The following DNAH3 variants were observed in gnomAD, a reference collection of about 807,000 sequenced individuals.
DNAH3 encodes axonemal beta dynein heavy chain 3.
In DNAH3, 332 loss-of-function variants were observed where a neutral mutation model predicts 432.5. The ratio of observed to expected loss-of-function variants is 0.77; its 90% CI spans 0.70 to 0.84. The LOEUF (loss-of-function observed/expected upper bound fraction) is 0.84. Ranked by LOEUF, DNAH3 falls within the 40% of genes least tolerant of loss-of-function variation. The probability of loss-of-function intolerance (pLI) is 0.00; values close to 1 mark genes in which losing one functional copy is unlikely to be tolerated. For synonymous variants in DNAH3, 1,956 were observed against 1,900.2 expected, an observed-to-expected ratio of 1.03 and a Z score of -0.76; for missense variants, 4,861 against 5,114.0, an observed-to-expected ratio of 0.95 and a Z score of 1.51.
At position 20,941,387 on chromosome 16, in the gene DNAH3, A is replaced by G; in HGVS notation, c.11654+14T>C. On this transcript the variant is annotated intron_variant, in intron 59 of 61. Coordinates refer to ENST00000261383, the Ensembl canonical transcript of DNAH3. ...TTCCAACTCCCAGGATTCAAGCTAC[A>G]TCATCTGGCCCACCTGTTGAATCTG... 6.2e-7 allele frequency: 1 copy of G among 1,613,660 alleles called. No individual in the cohort carries two copies. Among genetic ancestry groups the G allele is most frequent in the Non-Finnish European group, 8.5e-7 (1 of 1,179,790 alleles).
rs141209624 is a variant in DNAH3, at chr16:21,028,864, G to A, written c.5440-1737C>T. Among the ~76,000 whole-genome samples the A allele has an allele frequency of 1.5e-3, 221 of 152,188 alleles. No homozygotes were observed. In the Middle Eastern group the frequency reaches 0.02, roughly 14 times the overall value. On this transcript the variant is annotated intron_variant, in intron 37 of 61. Coordinates refer to ENST00000261383, the Ensembl canonical transcript of DNAH3. ...TCTCCCAGGGGAGAAGAGGAAATAC[G>A]ACTGATTCATTCTGCTCATCCTAAT... is the stretch of plus-strand genomic sequence containing the variant.
At chr16:21,017,849 T>TA (rs1392308438) in intron 41 of DNAH3, among the ~76,000 whole-genome samples, 1 of 152,166 alleles carries the variant, frequency 6.6e-6, no homozygotes, top group East Asian at 1.9e-4. Flanking sequence ...TGAAACATAA[T>TA]AATGTTTCAT....
intron 58 of DNAH3, among the ~76,000 whole-genome samples, chr16:20,943,405 G>A (rs180953643): frequency 2.6e-5 from 4 of 151,928 alleles, no homozygotes; most frequent in Non-Finnish European, 5.9e-5. Flanking sequence ...AAATTTTTTT[G>A]TAGTGATGCG....
intron 22 of DNAH3, among the ~76,000 whole-genome samples, chr16:21,069,810 G>A (rs1009204596): frequency 2.6e-5 from 4 of 152,142 alleles, no homozygotes; most frequent in African/African-American, 4.8e-5. Flanking sequence ...TGCCCTTTAC[G>A]GAGCTCACGT....
At chr16:20,933,673 T>A (rs564973822) in intron 61 of DNAH3, among the ~76,000 whole-genome samples, 166 bp from the exon 62 acceptor site, 9 of 152,356 alleles carry the variant, frequency 5.9e-5, no homozygotes, top group African/African-American at 1.9e-4. Context: ...CTGCCCACCA[T>A]ACATGGGCCA....
chr16:21,095,448 T>G (rs948697477), intron 18 of DNAH3, among the ~76,000 whole-genome samples: 1 of 152,142 alleles, frequency 6.6e-6, no homozygotes, highest in Admixed American at 6.5e-5. Flanking sequence ...TCTTGAAAGA[T>G]TGCATACTGT....
chr16:20,974,570 T>C (rs995536258), intron 51 of DNAH3, among the ~76,000 whole-genome samples: 2 of 137,264 alleles, frequency 1.5e-5, no homozygotes, highest in Non-Finnish European at 3.1e-5. Flanking sequence ...CACCTGGCTG[T>C]TTTATAGTGT....
At chr16:21,048,908 G>C (rs1567698702) in intron 31 of DNAH3, among the ~76,000 whole-genome samples, 1 of 151,904 alleles carries the variant, frequency 6.6e-6, no homozygotes, top group Non-Finnish European at 1.5e-5. Context: ...TGGCCAGGCT[G>C]GTCTTGAACT....
chr16:20,971,543 C>T (rs2085342866), intron 51 of DNAH3, among the ~76,000 whole-genome samples: 1 of 152,222 alleles, frequency 6.6e-6, no homozygotes, highest in Non-Finnish European at 1.5e-5. Flanking sequence ...CACTTCCTGA[C>T]TCATCCCAGG....
Position 21,060,256 on chromosome 16 carries a change from T to C in DNAH3, c.3813+8A>G, listed in dbSNP as rs74012107. The C allele has an allele frequency of 2.3e-4, 364 of 1,610,696 alleles. 1 individual carries two copies. The African/African-American group carries it at 4.2e-3, about 19-fold the overall frequency. ...TGTCCTGGCATGTGTACCCCGGTTC[T>C]TGTTTACCTTGACATATGCTTCAAT... is the stretch of plus-strand genomic sequence containing the variant. On this transcript the variant is annotated splice_region_variant and intron_variant, in intron 26 of 61. Coordinates refer to ENST00000261383, the Ensembl canonical transcript of DNAH3.
At chr16:20,986,671 G>T (rs1324786413) in intron 47 of DNAH3, among the ~76,000 whole-genome samples, 1 of 152,064 alleles carries the variant, frequency 6.6e-6, no homozygotes, top group African/African-American at 2.4e-5. Context: ...CCACCAAATA[G>T]AAGTATAGAC....
intron 49 of DNAH3, among the ~76,000 whole-genome samples, chr16:20,979,839 T>C (rs2085774085): frequency 6.6e-6 from 1 of 152,154 alleles, no homozygotes; most frequent in South Asian, 2.1e-4. Context: ...AACCTCTGCC[T>C]CCCAGGCTCA....
intron 19 of DNAH3, among the ~76,000 whole-genome samples, chr16:21,085,128 C>T (rs531731696): frequency 1.3e-5 from 2 of 152,016 alleles, no homozygotes; most frequent in South Asian, 4.2e-4. Context: ...CCTGTAATCC[C>T]AGCACTTTAG....
chr16:21,115,253 G>A (rs572336010), intron 12 of DNAH3, among the ~76,000 whole-genome samples: 4 of 152,156 alleles, frequency 2.6e-5, no homozygotes, highest in South Asian at 2.1e-4. Context: ...GGGGTTGGGG[G>A]ATCGGGGAGG....
At chr16:20,968,675 CCTCT>C (rs565029640) in intron 52 of DNAH3, among the ~76,000 whole-genome samples, 103 of 149,878 alleles carry the variant, frequency 6.9e-4, no homozygotes, top group Middle Eastern at 6.8e-3. Flanking sequence ...TTCATCTGTC[CCTCT>C]CTCTCTCTTT....
chr16:20,983,770 T>C (rs937908362), intron 48 of DNAH3, among the ~76,000 whole-genome samples: 15 of 152,018 alleles, frequency 9.9e-5, no homozygotes, highest in Non-Finnish European at 8.8e-5. Flanking sequence ...CCCAACACTT[T>C]GGGAGGCCAA....
intron 1 of DNAH3, among the ~76,000 whole-genome samples, chr16:21,153,902 A>G (rs1444253948): frequency 6.6e-6 from 1 of 152,172 alleles, no homozygotes; most frequent in Non-Finnish European, 1.5e-5. Flanking sequence ...CCATCCTTTC[A>G]AAATAACCCT....
rs769760299 is a variant in DNAH3, at chr16:20,952,490, G to A, written c.11131C>T (p.Gln3711Ter). Reference sequence around the variant, plus strand: ...TCCTTGTAGTCATTGAGAAACATCTGGATCTGCCACATACTAATCCTCAGG... The same window carrying A: ...TCCTTGTAGTCATTGAGAAACATCTAGATCTGCCACATACTAATCCTCAGG... The change falls in exon 56 of 62, where the codon CAG becomes TAG. Residue 3711 changes from glutamine to a stop codon, truncating the protein, a stop_gained. Coordinates refer to ENST00000261383, the Ensembl canonical transcript of DNAH3. LOFTEE classifies it high-confidence loss of function. 6.2e-7 allele frequency: 1 copy of A among 1,613,510 alleles called. No individual in the cohort carries two copies. The highest frequency in any genetic ancestry group is 8.5e-7 in the Non-Finnish European group (1 of 1,179,556).
chr16:21,101,372 A>G (rs2091833509), intron 16 of DNAH3, among the ~76,000 whole-genome samples: 1 of 152,208 alleles, frequency 6.6e-6, no homozygotes, highest in African/African-American at 2.4e-5. Context: ...GTGTGTGTGT[A>G]TATATGTAAA....
Sources: allele counts gnomAD v4.1 joint callset (sites outside exome capture counted in the v4.1 genomes callset), GRCh38; gene constraint gnomAD v4.1.1; transcripts MANE v1.5; gene names NCBI Gene and HGNC (gene_info 2026-07-23, HGNC 2026-07-21).